RUVBL1: variants seen among roughly 807,000 people sequenced by gnomAD.
The protein encoded by RUVBL1 is RuvB like AAA ATPase 1.
In RUVBL1, 4 loss-of-function variants were observed where a neutral mutation model predicts 52.4. That is an observed-to-expected ratio of 0.08 (90% CI 0.04 to 0.17). The LOEUF (loss-of-function observed/expected upper bound fraction) is 0.17, where lower values mean the gene tolerates loss of function less well. RUVBL1 is among the 10% of genes least tolerant of loss of function. The pLI, the probability that RUVBL1 is intolerant of heterozygous loss-of-function variation, is 1.00. For synonymous variants in RUVBL1, 217 were observed against 214.4 expected, an observed-to-expected ratio of 1.01 and a Z score of -0.10; for missense variants, 298 against 572.8, an observed-to-expected ratio of 0.52 and a Z score of 4.90.
intron 1 of RUVBL1, among the ~76,000 whole-genome samples, chr3:128,121,725 A>C (rs1213035176): frequency 6.6e-6 from 1 of 151,620 alleles, no homozygotes; most frequent in East Asian, 2.0e-4. Context: ...AAAAAAAAAA[A>C]AAAAAAAAAC....
rs1168660318 is a variant in RUVBL1, at chr3:128,150,886, T to C, written c.-40+2317A>G. Among the ~76,000 whole-genome samples, 174 of 73,338 alleles carry C rather than the reference T, an allele frequency of 2.4e-3. 3 individuals carry two copies. The highest frequency in any genetic ancestry group is 0.01 in the African/African-American group (163 of 16,084). The allele number at this position is 73,338 out of a possible 152,430, so 48.1% of individuals were successfully genotyped here. On this transcript the variant is annotated intron_variant, in intron 1 of 9. Transcript: ENST00000464873. Reference sequence around the variant, plus strand: ...ATATTATATATATATATTCTATATATATATTCTATATATATAATATAATAT... The same window carrying C: ...ATATTATATATATATATTCTATATACATATTCTATATATATAATATAATAT...
chr3:128,086,146 A>C (rs558355064), intron 9 of RUVBL1, among the ~76,000 whole-genome samples: 2 of 151,876 alleles, frequency 1.3e-5, no homozygotes, highest in Non-Finnish European at 2.9e-5. Context: ...ACAGGCACAC[A>C]CCACCACACC....
chr3:128,117,787 G>A (rs1489943329), intron 2 of RUVBL1, among the ~76,000 whole-genome samples: 1 of 151,916 alleles, frequency 6.6e-6, no homozygotes, highest in Non-Finnish European at 1.5e-5. Flanking sequence ...AGCACAATTA[G>A]CATTAAGCAT....
At chr3:128,111,219 CAAA>C (rs11289688) in intron 3 of RUVBL1, among the ~76,000 whole-genome samples, 67 of 128,592 alleles carry the variant, frequency 5.2e-4, no homozygotes, top group Admixed American at 1.4e-3. Context: ...GACTCTCTCT[CAAA>C]AAAAAAAAAA....
intron 9 of RUVBL1, chr3:128,070,724 G>A (rs1196541821): frequency 2.0e-5 from 3 of 152,408 alleles, no homozygotes; most frequent in Admixed American, 6.5e-5. Context: ...GTGAAGTCAG[G>A]TTCGGGGTGC....
intron 8 of RUVBL1, among the ~76,000 whole-genome samples, chr3:128,092,249 A>C (rs1043176044): frequency 6.6e-6 from 1 of 152,082 alleles, no homozygotes; most frequent in African/African-American, 2.4e-5. Context: ...AAACTATAAA[A>C]CTCTTAGGAG....
intron 9 of RUVBL1, chr3:128,071,766 T>G (rs1356878289): frequency 6.6e-6 from 1 of 152,626 alleles, no homozygotes. Context: ...CAGCTTTGTG[T>G]GTGTCAAAGG....
Position 128,081,092 on chromosome 3 carries a change from G to A in RUVBL1, c.*158C>T, listed in dbSNP as rs6779679. 15 of 641,456 alleles carry A rather than the reference G, an allele frequency of 2.3e-5. No homozygotes were observed. The highest frequency in any genetic ancestry group is 1.4e-4 in the South Asian group (6 of 41,638). The allele number at this position is 641,456 out of a possible 1,614,324, so 39.7% of individuals were successfully genotyped here. A position where few individuals can be genotyped will look rare whatever the true frequency, so the allele number is the denominator to read the frequency against. On this transcript the variant is annotated 3_prime_UTR_variant, in exon 11 of 11. Transcript: ENST00000322623. This position sits in a 1 kb window ranked among gnomAD's most constrained non-coding sequence, Gnocchi z 4.8. ...TCAAAGCAACCACAGGAACAGTTACGATAACTTAAAAAGAAATGCTTTCCA... is the reference window on the plus strand; with the variant it reads ...TCAAAGCAACCACAGGAACAGTTACAATAACTTAAAAAGAAATGCTTTCCA...
chr3:128,089,394 G>C (rs1942760883), intron 8 of RUVBL1, among the ~76,000 whole-genome samples: 1 of 152,218 alleles, frequency 6.6e-6, no homozygotes, highest in Admixed American at 6.5e-5. Context: ...CAGCAGAAAG[G>C]CTACACTTCT....
At chr3:128,119,447 A>G (rs1246491790) in intron 1 of RUVBL1, 33 bp from the exon 2 acceptor site, 1 of 1,558,770 alleles carries the variant, frequency 6.4e-7, no homozygotes, top group Non-Finnish European at 8.8e-7. Flanking sequence ...ATAATAAATC[A>G]ATATTAAAAT....
Position 128,106,234 on chromosome 3 carries a change from C to T in RUVBL1, c.362-1310G>A, listed in dbSNP as rs112769771. On this transcript the variant is annotated intron_variant, in intron 3 of 10. Coordinates refer to ENST00000322623, the MANE Select transcript of RUVBL1 (RefSeq NM_003707.3). ...CAAAACCAATTTCCAAAGCACCTTA[C>T]ATTAGAATATTGCAAATAAAGGTAA... 2.8e-3 allele frequency among the ~76,000 whole-genome samples: 426 copies of T among 152,316 alleles called. 2 individuals are homozygous for T. Among genetic ancestry groups the T allele is most frequent in the African/African-American group, 9.6e-3 (401 of 41,572 alleles).
intron 4 of RUVBL1, among the ~76,000 whole-genome samples, chr3:128,104,250 A>G (rs932431686): frequency 2.6e-5 from 4 of 152,218 alleles, no homozygotes; most frequent in Admixed American, 1.3e-4. Flanking sequence ...CTCTCCACAA[A>G]GCCCTGTACT....
At chr3:128,089,027 T>C (rs879287740) in intron 8 of RUVBL1, among the ~76,000 whole-genome samples, 1 of 152,248 alleles carries the variant, frequency 6.6e-6, no homozygotes, top group Non-Finnish European at 1.5e-5. Context: ...CACAGGATCA[T>C]AGCACTACCG....
At chr3:128,112,563 T>C (rs1354799804) in intron 3 of RUVBL1, among the ~76,000 whole-genome samples, 1 of 152,110 alleles carries the variant, frequency 6.6e-6, no homozygotes, top group Non-Finnish European at 1.5e-5. Flanking sequence ...CCAAAACCTT[T>C]TCAGTGGATA....
At chr3:128,133,613 C>T (rs2107730002) in intron 1 of RUVBL1, among the ~76,000 whole-genome samples, 1 of 152,360 alleles carries the variant, frequency 6.6e-6, no homozygotes, top group Non-Finnish European at 1.5e-5. Flanking sequence ...CCAGGGAATT[C>T]TCCCAGATCT....
chr3:128,066,843 A>C (rs1481931989), intron 9 of RUVBL1: 1 of 1,005,070 alleles, frequency 9.9e-7, no homozygotes, highest in Admixed American at 2.2e-5. Context: ...GAACCAGCAC[A>C]CAGGATTTCC....
Position 128,067,187 on chromosome 3 carries a change from G to A in RUVBL1, c.940-1967C>T, listed in dbSNP as rs1942005859. 1 of 1,585,248 alleles carries A rather than the reference G, an allele frequency of 6.3e-7. No individual in the cohort carries two copies. The highest frequency in any genetic ancestry group is 1.1e-5 in the South Asian group (1 of 90,490). ...TCTTTGAAGATGAGCTAGCAATGCA[G>A]CTAAGTTGCAGTGGTTTCTATCAGT... On this transcript the variant is annotated intron_variant, in intron 9 of 9. Transcript: ENST00000464873. The surrounding 1 kb of genome is among the most constrained non-coding windows in gnomAD (Gnocchi z 4.1).
chr3:128,067,888 T>A lies in RUVBL1; in HGVS notation c.940-2668A>T. On this transcript the variant is annotated intron_variant, in intron 9 of 9. Transcript: ENST00000464873. This position sits in a 1 kb window ranked among gnomAD's most constrained non-coding sequence, Gnocchi z 4.1. ...TTCTCTGTATGAATATTGTCAGTGC[T>A]CGAAGAGGCGATCTGTAACTGTTCA... The A allele has an allele frequency of 1.0e-6, 1 of 975,090 alleles. No homozygotes were observed. Among genetic ancestry groups the A allele is most frequent in the Non-Finnish European group, 1.6e-6 (1 of 610,738 alleles). The allele number at this position is 975,090 out of a possible 1,614,324, so 60.4% of individuals were successfully genotyped here. A position where few individuals can be genotyped will look rare whatever the true frequency, so the allele number is the denominator to read the frequency against.
At chr3:128,090,429 G>A (rs1448108779) in intron 8 of RUVBL1, among the ~76,000 whole-genome samples, 2 of 152,196 alleles carry the variant, frequency 1.3e-5, no homozygotes, top group African/African-American at 4.8e-5. Context: ...TGAGGCAGGA[G>A]AATGGCGTGA....
Sources: allele counts gnomAD v4.1 joint callset (sites outside exome capture counted in the v4.1 genomes callset), GRCh38; gene constraint gnomAD v4.1.1; non-coding constraint Gnocchi (gnomAD v3.1); transcripts MANE v1.5; gene names NCBI Gene and HGNC (gene_info 2026-07-23, HGNC 2026-07-21).